Variants in KAT6B observed in about 807,000 individuals in gnomAD.
KAT6B encodes the protein lysine acetyltransferase 6B.
KAT6B carries 10 observed loss-of-function variants against 187.5 expected under a neutral mutation model. The ratio of observed to expected loss-of-function variants is 0.05; its 90% CI spans 0.03 to 0.09. The LOEUF (loss-of-function observed/expected upper bound fraction) is 0.09, where lower values mean the gene tolerates loss of function less well. Among genes scored for constraint, KAT6B ranks in the 10% least tolerant of loss-of-function variants. The pLI, the probability that KAT6B is intolerant of heterozygous loss-of-function variation, is 1.00. For missense variants in KAT6B, 1,952 were observed against 2,558.9 expected, an observed-to-expected ratio of 0.76 and a Z score of 5.12; for synonymous variants, 861 against 926.8, an observed-to-expected ratio of 0.93 and a Z score of 1.29.
rs192829263 is a variant in KAT6B at position 75,001,258 on chromosome 10, C to A, written c.2629+12146C>A. Reference sequence around the variant, plus strand: ...ATTTCTTCTTTAGGTGCCACAACCACCCACGTCCGTAGAGATCCCCGGGCT... The same window carrying A: ...ATTTCTTCTTTAGGTGCCACAACCAACCACGTCCGTAGAGATCCCCGGGCT... On this transcript the variant is annotated intron_variant, in intron 13 of 17. Transcript: ENST00000287239. Among the ~76,000 whole-genome samples the A allele has an allele frequency of 2.3e-3, 356 of 152,224 alleles. 1 individual carries two copies. Among genetic ancestry groups the A allele is most frequent in the Non-Finnish European group, 4.1e-3 (279 of 68,022 alleles).
At chr10:74,919,099 T>G (rs1847922374) in intron 3 of KAT6B, among the ~76,000 whole-genome samples, 1 of 151,978 alleles carries the variant, frequency 6.6e-6, no homozygotes, top group Non-Finnish European at 1.5e-5. Context: ...GGCAGGTGCC[T>G]GTAATCCCAG....
At chr10:74,878,423 C>A (rs1230033067) in intron 3 of KAT6B, among the ~76,000 whole-genome samples, 3 of 151,884 alleles carry the variant, frequency 2.0e-5, no homozygotes, top group Non-Finnish European at 4.4e-5. Context: ...AGTTCTAGAC[C>A]AGCCTGGGCA....
intron 2 of KAT6B, among the ~76,000 whole-genome samples, chr10:74,841,506 A>G (rs1439626459): frequency 6.6e-6 from 1 of 152,076 alleles, no homozygotes; most frequent in Non-Finnish European, 1.5e-5. Context: ...CAGAGATTAC[A>G]GTGAGCTGAG....
rs112661788 is a variant in KAT6B, at chr10:74,839,157, CAA to C, written c.-259+417_-259+418del. The stretch of plus-strand genomic sequence containing the variant: ...GACAAGAGCAAGACTCTGTGCCCCC[CAA>C]AAAAAAAAAAATGATTGTGGTAAAA... On this transcript the variant is annotated intron_variant, in intron 2 of 17. Transcript: ENST00000287239. Among the ~76,000 whole-genome samples, 17 of 117,618 alleles carry C rather than the reference CAA, an allele frequency of 1.4e-4. No individual in the cohort carries two copies. The East Asian group carries it at 3.0e-3, about 21-fold the overall frequency. The allele number at this position is 117,618 out of a possible 152,430, so 77.2% of individuals were successfully genotyped here. A position where few individuals can be genotyped will look rare whatever the true frequency, so the allele number is the denominator to read the frequency against.
At chr10:74,958,595 A>G (rs1354368352) in intron 3 of KAT6B, among the ~76,000 whole-genome samples, 1 of 152,214 alleles carries the variant, frequency 6.6e-6, no homozygotes, top group Non-Finnish European at 1.5e-5. Flanking sequence ...AGCTATTCCT[A>G]TGGATGGGAA....
At chr10:74,879,560 G>A (rs1030947382) in intron 3 of KAT6B, among the ~76,000 whole-genome samples, 1 of 152,166 alleles carries the variant, frequency 6.6e-6, no homozygotes, top group African/African-American at 2.4e-5. Flanking sequence ...AGATCTTAGG[G>A]CTACTATATT....
In KAT6B at chr10:75,029,264, C is replaced by T; in HGVS notation, c.4440C>T (p.Asp1480=). The T allele has an allele frequency of 6.2e-7, 1 of 1,614,148 alleles. No individual in the cohort carries two copies. Among genetic ancestry groups the T allele is most frequent in the Non-Finnish European group, 8.5e-7 (1 of 1,180,038 alleles). ...NPEVLMDCGV[D]LTASCNSEPK... is the part of the protein sequence containing the mutation. Reference sequence around the variant, plus strand: ...AGGTCTTAATGGACTGTGGCGTCGACCTGACAGCTTCTTGTAACAGTGAGC... The same window carrying T: ...AGGTCTTAATGGACTGTGGCGTCGATCTGACAGCTTCTTGTAACAGTGAGC... Residue 1480 remains aspartate, a synonymous_variant, in exon 18 of 18, where the codon GAC becomes GAT. Coordinates refer to ENST00000287239, the MANE Select transcript of KAT6B (RefSeq NM_012330.4). The surrounding 1 kb of genome is among the most constrained non-coding windows in gnomAD (Gnocchi z 6.2).
chr10:74,895,960 GT>G (rs911440222), intron 3 of KAT6B, among the ~76,000 whole-genome samples: 1 of 150,506 alleles, frequency 6.6e-6, no homozygotes, highest in African/African-American at 2.4e-5. Context: ...TGTTGTTGTT[GT>G]TTTTTTTTGC....
In KAT6B at chr10:74,976,254, G is replaced by A. The variant is rs1184925299; in HGVS notation, c.1917G>A (p.Val639=). 3 of 1,614,076 alleles carry A rather than the reference G, an allele frequency of 1.9e-6. No individual in the cohort carries two copies. Among genetic ancestry groups the A allele is most frequent in the Admixed American group, 3.3e-5 (2 of 60,008 alleles). ...HRMLGRLKYK[V]TPQMGTPSPG... ...TGCTAGGCAGATTAAAATATAAAGTGACCCCTCAGATGGGGACCCCCTCAC... is the reference window on the plus strand; with the variant it reads ...TGCTAGGCAGATTAAAATATAAAGTAACCCCTCAGATGGGGACCCCCTCAC... The change falls in exon 8 of 18, where the codon GTG becomes GTA. Residue 639 remains valine, a synonymous_variant. Transcript: ENST00000287239.
intron 3 of KAT6B, among the ~76,000 whole-genome samples, chr10:74,925,717 A>T (rs1189400772): frequency 6.6e-6 from 1 of 152,218 alleles, no homozygotes; most frequent in Non-Finnish European, 1.5e-5. Context: ...GCTCTTTAAT[A>T]GTAACTCTTA....
At chr10:74,976,729 G>A (rs1842188262) in intron 8 of KAT6B, 1 of 316,572 alleles carries the variant, frequency 3.2e-6, no homozygotes, top group African/African-American at 2.2e-5. Context: ...AACAGGGGGT[G>A]TTTCAGCTCT....
At chr10:74,923,424 G>A (rs1848280879) in intron 3 of KAT6B, among the ~76,000 whole-genome samples, 1 of 152,178 alleles carries the variant, frequency 6.6e-6, no homozygotes, top group South Asian at 2.1e-4. Context: ...ATGTAAGTGA[G>A]TATATAGCAT....
At chr10:74,901,755 G>A (rs1846410662) in intron 3 of KAT6B, among the ~76,000 whole-genome samples, 1 of 152,158 alleles carries the variant, frequency 6.6e-6, no homozygotes, top group African/African-American at 2.4e-5. Context: ...TCATCAGTTT[G>A]TGGGGAGGAA....
At chr10:74,911,531 G>T (rs1847203763) in intron 3 of KAT6B, among the ~76,000 whole-genome samples, 1 of 152,060 alleles carries the variant, frequency 6.6e-6, no homozygotes, top group African/African-American at 2.4e-5. Flanking sequence ...GCCTCCCAAA[G>T]TGCTGGGATT....
In KAT6B at chr10:74,843,361, C is replaced by T. The variant is rs576505982; in HGVS notation, c.504C>T (p.Asp168=). The T allele has an allele frequency of 1.3e-5, 21 of 1,613,042 alleles. No individual in the cohort carries two copies. In the African/African-American group the frequency reaches 1.3e-4, roughly 10 times the overall value. ...RAVNNGRLLK[D]GPQYRVNYGS... ...TGAATAATGGGAGGTTACTGAAAGA[C>T]GGACCGCAGTACAGGGTCAATTATG... The change falls in exon 3 of 18, where the codon GAC becomes GAT. Residue 168 remains aspartate, a synonymous_variant. Transcript: ENST00000287239.
At chr10:74,955,234 A>G (rs999161187) in intron 3 of KAT6B, among the ~76,000 whole-genome samples, 4 of 152,242 alleles carry the variant, frequency 2.6e-5, no homozygotes, top group African/African-American at 9.6e-5. Context: ...ATATATGTTC[A>G]GTACAGACAA....
rs1284915673 is a variant in KAT6B at position 74,981,906 on chromosome 10, G to A, written c.2351G>A (p.Arg784Lys). The A allele has an allele frequency of 1.2e-6, 2 of 1,613,898 alleles. No individual in the cohort carries two copies. The highest frequency in any genetic ancestry group is 4.5e-5 in the East Asian group (2 of 44,836). Reference protein sequence around the residue: ...FHPPANEIYRRKDLSVFEVDG... With the variant: ...FHPPANEIYRKKDLSVFEVDG... ...CCTCCAGCAAATGAAATTTACCGAA[G>A]GAAAGACCTTTCAGTATTTGAGGTA... Residue 784 changes from arginine to lysine, a missense_variant, in exon 11 of 18, where the codon AGG becomes AAG. Coordinates refer to ENST00000287239, the MANE Select transcript of KAT6B (RefSeq NM_012330.4).
chr10:74,837,402 T>TGATA (rs939335731), intron 1 of KAT6B, among the ~76,000 whole-genome samples: 8 of 152,330 alleles, frequency 5.3e-5, no homozygotes, highest in Admixed American at 5.2e-4. Flanking sequence ...GCTACCTTTT[T>TGATA]GATAGCCTTT....
chr10:74,848,993 T>G (rs1343709056), intron 3 of KAT6B, among the ~76,000 whole-genome samples: 2 of 152,070 alleles, frequency 1.3e-5, no homozygotes, highest in African/African-American at 4.8e-5. Flanking sequence ...ACTAATGCCT[T>G]TTTTTTGAGA....
Sources: allele counts gnomAD v4.1 joint callset (sites outside exome capture counted in the v4.1 genomes callset), GRCh38; gene constraint gnomAD v4.1.1; non-coding constraint Gnocchi (gnomAD v3.1); transcripts MANE v1.5; gene names NCBI Gene and HGNC (gene_info 2026-07-23, HGNC 2026-07-21).